ADH5: variants seen among roughly 807,000 people sequenced by gnomAD.
ADH5 encodes alcohol dehydrogenase class-3.
In ADH5, 32 loss-of-function variants were observed where a neutral mutation model predicts 40.3. That is an observed-to-expected ratio of 0.79 (90% CI 0.60 to 1.07). ADH5 has a LOEUF of 1.07. Among genes scored for constraint, ADH5 ranks in the 50% least tolerant of loss-of-function variants. The pLI, the probability that ADH5 is intolerant of heterozygous loss-of-function variation, is 0.00. For missense variants in ADH5, 353 were observed against 460.5 expected (o/e 0.77, Z 2.14); for synonymous variants, 125 against 154.3 (o/e 0.81, Z 1.41).
chr4:99,088,449 C>A (rs948978808), intron 1 of ADH5, among the ~76,000 whole-genome samples: 1 of 143,226 alleles, frequency 7.0e-6, no homozygotes, highest in East Asian at 2.5e-4. Flanking sequence ...CTCCCACCCC[C>A]CCACCCCGTT....
At chr4:99,086,987 T>G (rs1419879980) in intron 1 of ADH5, among the ~76,000 whole-genome samples, 2 of 136,250 alleles carry the variant, frequency 1.5e-5, no homozygotes, top group Admixed American at 1.5e-4. Context: ...CCTAACACAA[T>G]CCTTGGCACA....
At position 99,071,577 on chromosome 4, in the gene ADH5, T is replaced by A. The variant is rs1727833598; in HGVS notation, c.*840A>T. On this transcript the variant is annotated 3_prime_UTR_variant, in exon 9 of 9. Coordinates refer to ENST00000296412, the MANE Select transcript of ADH5 (RefSeq NM_000671.4). Reference sequence around the variant, plus strand: ...AGCAAGTATGAGGCTTAAAAATATATAAAACAGTACTAAAGAGTAGATGGT... The same window carrying A: ...AGCAAGTATGAGGCTTAAAAATATAAAAAACAGTACTAAAGAGTAGATGGT... 1.3e-5 allele frequency: 2 copies of A among 152,154 alleles called. No individual in the cohort carries two copies. Among genetic ancestry groups the A allele is most frequent in the African/African-American group, 4.8e-5 (2 of 41,426 alleles). The allele number at this position is 152,154 out of a possible 1,614,324, so 9.4% of individuals were successfully genotyped here.
At chr4:99,076,010 C>T in intron 6 of ADH5, 1 of 314,962 alleles carries the variant, frequency 3.2e-6, no homozygotes. Context: ...TATTTGATTC[C>T]AAAGATCATG....
chr4:99,077,565 A>C (rs1327410514), intron 4 of ADH5, among the ~76,000 whole-genome samples: 2 of 152,234 alleles, frequency 1.3e-5, no homozygotes, highest in African/African-American at 4.8e-5. Context: ...CAAAACCAGT[A>C]TCTATGCAAG....
Position 99,072,231 on chromosome 4 carries a change from A to G in ADH5, c.*186T>C, listed in dbSNP as rs535634096. On this transcript the variant is annotated 3_prime_UTR_variant, in exon 9 of 9. Transcript: ENST00000296412. ...ATTATTTATGTGGAGGAGCATCCAG[A>G]AAACAGGTTCATGACTGAATTATCC... 9 of 484,744 alleles carry G rather than the reference A, an allele frequency of 1.9e-5. No individual in the cohort carries two copies. In the South Asian group the frequency reaches 4.2e-4, roughly 23 times the overall value. The allele number at this position is 484,744 out of a possible 1,614,324, so 30.0% of individuals were successfully genotyped here.
Position 99,071,462 on chromosome 4 carries a change from G to A in ADH5, c.*955C>T, listed in dbSNP as rs1344848226. 3 of 152,260 alleles carry A rather than the reference G, an allele frequency of 2.0e-5. No homozygotes were observed. The highest frequency in any genetic ancestry group is 3.9e-4 in the East Asian group (2 of 5,180). The allele number at this position is 152,260 out of a possible 1,614,324, so 9.4% of individuals were successfully genotyped here. A position where few individuals can be genotyped will look rare whatever the true frequency, so the allele number is the denominator to read the frequency against. ...GAACAGATAAATTATGGTAGTTCCCGTAATTGAATTCTGCTACACAGGACT... is the reference window on the plus strand; with the variant it reads ...GAACAGATAAATTATGGTAGTTCCCATAATTGAATTCTGCTACACAGGACT... On this transcript the variant is annotated 3_prime_UTR_variant, in exon 9 of 9. Transcript: ENST00000296412.
rs2077234474 is a variant in ADH5 at position 99,075,005 on chromosome 4, G to A, written c.870C>T (p.Val290=). ...EACHKGWGVS[V]VVGVAASGEE... ...CACCTGAAGCAGCTACTCCAACCAC[G>A]ACGCTGACGCCCCAGCCCTTGTGAC... Residue 290 remains valine, a synonymous_variant, in exon 7 of 9, where the codon GTC becomes GTT. Coordinates refer to ENST00000296412, the MANE Select transcript of ADH5 (RefSeq NM_000671.4). 5.6e-6 allele frequency: 9 copies of A among 1,613,064 alleles called. No individual in the cohort carries two copies. The highest frequency in any genetic ancestry group is 3.3e-5 in the South Asian group (3 of 90,974).
In ADH5 at chr4:99,083,600, C is replaced by CA. The variant is rs6148593; in HGVS notation, c.115-1485dup. On this transcript the variant is annotated intron_variant, in intron 2 of 8. Transcript: ENST00000296412. ...GGGCGACAGAGTGAAACTCTGTCTC[C>CA]AAAAAAAAAAAAAAAAAAAAAAAAA... 5.0e-3 allele frequency among the ~76,000 whole-genome samples: 424 copies of CA among 85,130 alleles called. 3 individuals carry two copies. The highest frequency in any genetic ancestry group is 8.9e-3 in the African/African-American group (235 of 26,476). 55.8% of individuals were successfully genotyped at this position (85,130 alleles called of 152,430 possible). A position where few individuals can be genotyped will look rare whatever the true frequency, so the allele number is the denominator to read the frequency against.
intron 4 of ADH5, among the ~76,000 whole-genome samples, chr4:99,078,778 CAG>C (rs1276320054): frequency 2.6e-5 from 4 of 152,108 alleles, no homozygotes; most frequent in Non-Finnish European, 5.9e-5. Context: ...CACTGTATTC[CAG>C]AGGAGTTTCT....
intron 7 of ADH5, among the ~76,000 whole-genome samples, chr4:99,073,563 CCTT>C (rs1356978861): frequency 1.3e-5 from 2 of 152,216 alleles, no homozygotes; most frequent in African/African-American, 4.8e-5. Flanking sequence ...AGCCTTCTCA[CCTT>C]CTAAGGATGC....
chr4:99,072,606 T>C lies in ADH5; in HGVS notation c.1067A>G (p.Asn356Ser), dbSNP rs761230948. The C allele has an allele frequency of 1.9e-6, 3 of 1,613,516 alleles. No individual in the cohort carries two copies. The highest frequency in any genetic ancestry group is 1.7e-5 in the Admixed American group (1 of 59,954). Residue 356 changes from asparagine to serine, a missense_variant, in exon 8 of 9, where the codon AAC becomes AGC. Transcript: ENST00000296412. ...VTHNLSFDEI[N>S]KAFELMHSGK... ...AGAATGCATCAGTTCAAAGGCTTTG[T>C]TGATTTCATCAAAAGACAGATTGTG...
At chr4:99,085,579 C>T (rs1191648822) in intron 1 of ADH5, 1 of 351,250 alleles carries the variant, frequency 2.8e-6, no homozygotes, top group Admixed American at 3.4e-5. Flanking sequence ...TTAACATATG[C>T]CTGAAGAAAT....
At chr4:99,085,641 G>C (rs1423618915) in intron 1 of ADH5, 1 of 325,626 alleles carries the variant, frequency 3.1e-6, no homozygotes, top group Non-Finnish European at 6.3e-6. Flanking sequence ...AAACTGCAGG[G>C]TGGGAAGGAG....
intron 4 of ADH5, chr4:99,080,062 C>G (rs966999862): frequency 7.2e-6 from 3 of 418,584 alleles, no homozygotes; most frequent in African/African-American, 6.3e-5. Context: ...GTACACAGTA[C>G]TGAATTCACA....
chr4:99,084,126 G>A (rs1438190602), intron 2 of ADH5, among the ~76,000 whole-genome samples: 2 of 152,186 alleles, frequency 1.3e-5, no homozygotes. Flanking sequence ...GACCATTTCT[G>A]TCAGAGGCAT....
At chr4:99,080,989 T>G (rs1182844435) in intron 4 of ADH5, among the ~76,000 whole-genome samples, 1 of 152,210 alleles carries the variant, frequency 6.6e-6, no homozygotes, top group Non-Finnish European at 1.5e-5. Context: ...GAGCCTTCTC[T>G]CTCCCTTTCC....
chr4:99,083,351 G>C (rs1728064176), intron 2 of ADH5, among the ~76,000 whole-genome samples: 1 of 152,076 alleles, frequency 6.6e-6, no homozygotes, highest in Admixed American at 6.5e-5. Context: ...TGTAATCCCA[G>C]CACTTTGGGA....
chr4:99,081,546 T>C (rs1728024795), intron 3 of ADH5, 94 bp from the exon 4 acceptor site: 1 of 908,976 alleles, frequency 1.1e-6, no homozygotes, highest in Non-Finnish European at 1.7e-6. Context: ...GATGTGGCTT[T>C]GCAAAGTTAA....
chr4:99,078,882 T>C (rs1367757683), intron 4 of ADH5, among the ~76,000 whole-genome samples: 3 of 152,264 alleles, frequency 2.0e-5, no homozygotes, highest in Non-Finnish European at 4.4e-5. Context: ...TTATATTTGA[T>C]GTGTTGCAAA....
Sources: allele counts gnomAD v4.1 joint callset (sites outside exome capture counted in the v4.1 genomes callset), GRCh38; gene constraint gnomAD v4.1.1; transcripts MANE v1.5; gene names NCBI Gene and HGNC (gene_info 2026-07-23, HGNC 2026-07-21).